The following NRG1 variants were observed in gnomAD, a reference collection of about 807,000 sequenced individuals.
NRG1 encodes the protein pro-neuregulin-1, membrane-bound isoform.
A neutral mutation model predicts 63.8 loss-of-function variants in NRG1; 18 were observed. The observed-to-expected ratio is 0.28, with a 90% CI of 0.19 to 0.42. The LOEUF (loss-of-function observed/expected upper bound fraction) is 0.42. Ranked by LOEUF, NRG1 falls within the 10% of genes least tolerant of loss-of-function variation. NRG1 has a pLI of 1.00. For missense variants in NRG1, 762 were observed against 814.7 expected, an observed-to-expected ratio of 0.94 and a Z score of 0.79; for synonymous variants, 302 against 301.3, an observed-to-expected ratio of 1.00 and a Z score of -0.02.
intron 5 of NRG1, among the ~76,000 whole-genome samples, chr8:32,678,162 T>A (rs1400856042): frequency 6.6e-6 from 1 of 152,194 alleles, no homozygotes; most frequent in Non-Finnish European, 1.5e-5. Context: ...GAGATTTAAT[T>A]ACATTTAAAT....
chr8:32,026,818 A>G (rs1021738557), intron 1 of NRG1, among the ~76,000 whole-genome samples: 2 of 152,110 alleles, frequency 1.3e-5, no homozygotes, highest in African/African-American at 4.8e-5. Flanking sequence ...CATTTGTTAA[A>G]TTCTCTACTT....
intron 1 of NRG1, among the ~76,000 whole-genome samples, chr8:32,065,600 C>T (rs1447129732): frequency 1.3e-5 from 2 of 152,140 alleles, no homozygotes; most frequent in African/African-American, 4.8e-5. Context: ...GGACATTTGG[C>T]TTGGTTCCAA....
intron 1 of NRG1, among the ~76,000 whole-genome samples, chr8:31,647,670 C>T (rs995189772): frequency 6.6e-6 from 1 of 152,150 alleles, no homozygotes; most frequent in African/African-American, 2.4e-5. Flanking sequence ...GCTCATTGTC[C>T]TGTCATCTGC....
chr8:32,374,817 T>C (rs888102714), intron 1 of NRG1, among the ~76,000 whole-genome samples: 3 of 152,142 alleles, frequency 2.0e-5, no homozygotes, highest in African/African-American at 7.2e-5. Context: ...AGGCCAGGTC[T>C]CTGTAATGTA....
chr8:32,356,777 C>T (rs762508303), intron 1 of NRG1, among the ~76,000 whole-genome samples: 5 of 152,132 alleles, frequency 3.3e-5, no homozygotes, highest in Admixed American at 6.5e-5. Context: ...ACTCAAGACA[C>T]ACCCATTGAT....
At chr8:32,169,263 T>G (rs1191304029) in intron 1 of NRG1, among the ~76,000 whole-genome samples, 1 of 152,182 alleles carries the variant, frequency 6.6e-6, no homozygotes, top group Non-Finnish European at 1.5e-5. Context: ...TCCATAGGCC[T>G]GGTTGGGTGG....
intron 1 of NRG1, among the ~76,000 whole-genome samples, chr8:31,689,253 C>T (rs1438962236): frequency 6.6e-6 from 1 of 152,100 alleles, no homozygotes; most frequent in Non-Finnish European, 1.5e-5. Flanking sequence ...TTGGATGTGA[C>T]CATGTTTGGT....
rs147644820 is a variant in NRG1, at chr8:31,865,129, C to A, written c.37+225698C>A. Among the ~76,000 whole-genome samples, 11 of 152,076 alleles carry A rather than the reference C, an allele frequency of 7.2e-5. No homozygotes were observed. The East Asian group carries it at 2.1e-3, about 30-fold the overall frequency. On this transcript the variant is annotated intron_variant, in intron 1 of 10. Coordinates refer to the NRG1 transcript ENST00000519301. ...CAGTAACTTTTGGCACCACTGCTGG[C>A]TTTAAGGAGCCTGTTATGTAGTCTA...
intron 1 of NRG1, among the ~76,000 whole-genome samples, chr8:31,938,502 T>A (rs1427538522): frequency 6.6e-6 from 1 of 152,048 alleles, no homozygotes; most frequent in African/African-American, 2.4e-5. Flanking sequence ...AATAAGGTTA[T>A]TTAACACCCC....
At chr8:32,301,766 G>A (rs1855589449) in intron 1 of NRG1, among the ~76,000 whole-genome samples, 1 of 152,136 alleles carries the variant, frequency 6.6e-6, no homozygotes, top group Non-Finnish European at 1.5e-5. Flanking sequence ...AACAGTGCAG[G>A]AAAGACCGGC....
At chr8:31,693,918 A>G (rs1585715393) in intron 1 of NRG1, among the ~76,000 whole-genome samples, 1 of 151,634 alleles carries the variant, frequency 6.6e-6, no homozygotes. Context: ...GCTTATTGTA[A>G]CCTCCTCCTT....
At chr8:32,713,406 T>G (rs1027745999) in intron 5 of NRG1, among the ~76,000 whole-genome samples, 1 of 152,154 alleles carries the variant, frequency 6.6e-6, no homozygotes, top group African/African-American at 2.4e-5. Context: ...CTTTAGTCCC[T>G]GAAGGGTATT....
At chr8:32,459,142 G>A (rs1004242810) in intron 1 of NRG1, among the ~76,000 whole-genome samples, 7 of 152,082 alleles carry the variant, frequency 4.6e-5, no homozygotes, top group African/African-American at 1.2e-4. Context: ...ATTGAACATC[G>A]TCAGAACAAA....
chr8:31,812,299 G>T (rs1216845578), intron 1 of NRG1, among the ~76,000 whole-genome samples: 1 of 152,136 alleles, frequency 6.6e-6, no homozygotes, highest in Admixed American at 6.6e-5. Context: ...AATACAAGTT[G>T]CTGGTTGTCA....
chr8:31,985,863 T>C (rs1261555923), intron 1 of NRG1, among the ~76,000 whole-genome samples: 1 of 152,150 alleles, frequency 6.6e-6, no homozygotes, highest in African/African-American at 2.4e-5. Context: ...TGCAGAGTTA[T>C]TGATGATGTA....
chr8:32,333,191 C>T (rs965621093), intron 1 of NRG1, among the ~76,000 whole-genome samples: 1 of 152,178 alleles, frequency 6.6e-6, no homozygotes, highest in Non-Finnish European at 1.5e-5. Context: ...GCTTGTATCT[C>T]TCATTTACGT....
chr8:31,921,477 T>TACACACACACACACAC (rs10557313), intron 1 of NRG1, among the ~76,000 whole-genome samples: 1 of 150,804 alleles, frequency 6.6e-6, no homozygotes, highest in African/African-American at 2.4e-5. Flanking sequence ...TACACACACA[T>TACACACACACACACAC]ACACACACAC....
intron 1 of NRG1, among the ~76,000 whole-genome samples, chr8:31,708,868 A>G (rs1208305118): frequency 6.6e-6 from 1 of 152,130 alleles, no homozygotes; most frequent in Admixed American, 6.6e-5. Flanking sequence ...GGGGCACCAA[A>G]CCCCAGTGCT....
At chr8:31,712,768 A>G (rs1407261714) in intron 1 of NRG1, among the ~76,000 whole-genome samples, 3 of 152,062 alleles carry the variant, frequency 2.0e-5, no homozygotes, top group Non-Finnish European at 2.9e-5. Flanking sequence ...TACTGAATGA[A>G]TTGGGTCTTC....
Sources: gnomAD v4.1 joint callset for allele counts (sites outside exome capture counted in the v4.1 genomes callset) on GRCh38, gnomAD v4.1.1 for gene constraint, MANE v1.5 for transcripts, NCBI Gene and HGNC (gene_info 2026-07-23, HGNC 2026-07-21) for gene names.